The following ASCC3 variants were observed in gnomAD, a reference collection of about 807,000 sequenced individuals.
ASCC3 encodes ASC-1 complex subunit P200.
ASCC3 carries 158 observed loss-of-function variants against 256.3 expected under a neutral mutation model. The ratio of observed to expected loss-of-function variants is 0.62; its 90% CI spans 0.54 to 0.70. ASCC3 has a LOEUF of 0.70. Among genes scored for constraint, ASCC3 ranks in the 30% least tolerant of loss-of-function variants. The pLI is 0.00. For synonymous variants in ASCC3, 948 were observed against 883.4 expected, an observed-to-expected ratio of 1.07 and a Z score of -1.30; for missense variants, 2,259 against 2,626.0, an observed-to-expected ratio of 0.86 and a Z score of 3.05.
Position 100,798,803 on chromosome 6 carries a change from G to C in ASCC3, c.1305C>G (p.Asn435Lys). Residue 435 changes from asparagine to lysine, a missense_variant, in exon 8 of 42, where the codon AAC becomes AAG. Coordinates refer to ENST00000369162, the MANE Select transcript of ASCC3 (RefSeq NM_006828.4). ...ILPEGIQREN[N>K]KLYEEVRIPY... Reference sequence around the variant, plus strand: ...GAATCCTTACTTCTTCATAAAGCTTGTTATTCTCTCTTTGGATTCCTTCTG... The same window carrying C: ...GAATCCTTACTTCTTCATAAAGCTTCTTATTCTCTCTTTGGATTCCTTCTG... 1.9e-6 allele frequency: 3 copies of C among 1,612,726 alleles called. No individual in the cohort carries two copies. The South Asian group carries it at 3.3e-5, about 18-fold the overall frequency.
At chr6:100,650,510 G>A in intron 20 of ASCC3, 28 bp downstream of exon 20, 2 of 1,609,204 alleles carry the variant, frequency 1.2e-6, no homozygotes, top group Non-Finnish European at 1.7e-6. Context: ...TCAAGGAAGA[G>A]AAAACTGGAA....
intron 13 of ASCC3, among the ~76,000 whole-genome samples, chr6:100,684,799 ACT>A (rs1777479037): frequency 2.1e-5 from 3 of 143,836 alleles, no homozygotes; most frequent in African/African-American, 7.7e-5. Context: ...CTTGAATCAA[ACT>A]CTTTTTTTTT....
At chr6:100,730,651 C>T (rs1191849871) in intron 10 of ASCC3, among the ~76,000 whole-genome samples, 1 of 152,182 alleles carries the variant, frequency 6.6e-6, no homozygotes, top group Non-Finnish European at 1.5e-5. Flanking sequence ...TAAAATGTCA[C>T]ATGGTTTACA....
At chr6:100,636,648 A>T (rs1046944266) in intron 25 of ASCC3, among the ~76,000 whole-genome samples, 1 of 152,192 alleles carries the variant, frequency 6.6e-6, no homozygotes, top group African/African-American at 2.4e-5. Flanking sequence ...AATACCAAGG[A>T]GTTAGCCAAG....
chr6:100,798,120 C>T (rs1028505666), intron 8 of ASCC3, among the ~76,000 whole-genome samples: 2 of 151,962 alleles, frequency 1.3e-5, no homozygotes, highest in African/African-American at 4.8e-5. Context: ...AAAACCACAG[C>T]AACTTAATTT....
chr6:100,652,029 G>GT (rs1271330427), intron 18 of ASCC3, among the ~76,000 whole-genome samples: 19 of 151,988 alleles, frequency 1.3e-4, no homozygotes, highest in African/African-American at 4.3e-4. Context: ...AAAATTCAGA[G>GT]ATGTATATCT....
intron 10 of ASCC3, among the ~76,000 whole-genome samples, chr6:100,746,504 T>G (rs1016362034): frequency 2.6e-5 from 4 of 152,220 alleles, no homozygotes; most frequent in Non-Finnish European, 5.9e-5. Flanking sequence ...TTCTAAAACT[T>G]CAGATTCCTT....
intron 8 of ASCC3, among the ~76,000 whole-genome samples, chr6:100,791,806 G>A (rs1769361460): frequency 6.6e-6 from 1 of 151,854 alleles, no homozygotes; most frequent in African/African-American, 2.4e-5. Context: ...TGTTTCCCTT[G>A]AATCCTGGAA....
At chr6:100,587,954 C>G (rs916841249) in intron 36 of ASCC3, among the ~76,000 whole-genome samples, 3 of 152,112 alleles carry the variant, frequency 2.0e-5, no homozygotes, top group Non-Finnish European at 4.4e-5. Flanking sequence ...ATGATTTTCA[C>G]AAACTTCCTT....
intron 13 of ASCC3, among the ~76,000 whole-genome samples, chr6:100,689,006 C>G (rs1777713438): frequency 6.6e-6 from 1 of 152,164 alleles, no homozygotes; most frequent in Admixed American, 6.5e-5. Context: ...TCTCTGAACT[C>G]TTCCTGTTGT....
At chr6:100,608,041 C>A (rs145693138) in intron 30 of ASCC3, among the ~76,000 whole-genome samples, 1,817 of 106,986 alleles carry the variant, frequency 0.017, 39 homozygotes, top group African/African-American at 0.064. Context: ...TTTATATATA[C>A]ATACATATAC....
intron 8 of ASCC3, among the ~76,000 whole-genome samples, chr6:100,774,335 A>G (rs1782079247): frequency 6.6e-6 from 1 of 151,554 alleles, no homozygotes; most frequent in African/African-American, 2.4e-5. Flanking sequence ...TGACACGTAC[A>G]TGTCATGACA....
In ASCC3 at chr6:100,799,443, A is replaced by C. The variant is rs778387962; in HGVS notation, c.1257T>G (p.Ile419Met). The C allele has an allele frequency of 6.2e-7, 1 of 1,612,678 alleles. No homozygotes were observed. The highest frequency in any genetic ancestry group is 1.1e-5 in the South Asian group (1 of 91,076). Residue 419 changes from isoleucine (I) to methionine (M), a missense_variant, in exon 7 of 42, where the codon ATT becomes ATG. Physicochemically the swap from Ile to Met is conservative, Grantham distance 10. Around this residue, in one of 2 missense-constraint regions of ASCC3, gnomAD observed 1,839 missense variants for 2,206.7 expected, o/e 0.83. Transcript: ENST00000369162. ...QAEAMKTSAF[I>M]AGAKMILPEG... Reference sequence around the variant, plus strand: ...AACAATGACATACCTTTGCACCAGCAATAAATGCTGATGTTTTCATGGCTT... The same window carrying C: ...AACAATGACATACCTTTGCACCAGCCATAAATGCTGATGTTTTCATGGCTT...
At position 100,806,004 on chromosome 6, in the gene ASCC3, A is replaced by G. The variant is rs540409509; in HGVS notation, c.802-124T>C. On this transcript the variant is annotated intron_variant, in intron 4 of 41. Coordinates refer to ENST00000369162, the MANE Select transcript of ASCC3 (RefSeq NM_006828.4). Reference sequence around the variant, plus strand: ...AATATAGAAATACTCAAAAAATTTAATAAAAATGGTACCTTAAACTAAGAA... The same window carrying G: ...AATATAGAAATACTCAAAAAATTTAGTAAAAATGGTACCTTAAACTAAGAA... 14 of 902,920 alleles carry G rather than the reference A, an allele frequency of 1.6e-5. No individual in the cohort carries two copies. The African/African-American group carries it at 2.2e-4, about 14-fold the overall frequency. The allele number at this position is 902,920 out of a possible 1,614,324, so 55.9% of individuals were successfully genotyped here.
At chr6:100,528,770 T>C (rs1213452787) in intron 37 of ASCC3, among the ~76,000 whole-genome samples, 1 of 152,186 alleles carries the variant, frequency 6.6e-6, no homozygotes, top group Non-Finnish European at 1.5e-5. Flanking sequence ...AAGGTCTTCC[T>C]TTCAGGCACA....
At chr6:100,823,166 C>T (rs1297498273) in intron 4 of ASCC3, among the ~76,000 whole-genome samples, 5 of 152,168 alleles carry the variant, frequency 3.3e-5, no homozygotes, top group Non-Finnish European at 5.9e-5. Flanking sequence ...CAAAATTATG[C>T]TTCCCATAAC....
intron 36 of ASCC3, among the ~76,000 whole-genome samples, chr6:100,570,947 A>G (rs1185015770): frequency 6.6e-6 from 1 of 152,134 alleles, no homozygotes; most frequent in Non-Finnish European, 1.5e-5. Flanking sequence ...TATCCAAGCC[A>G]CCATCTTCTC....
At chr6:100,575,001 G>A (rs1039078021) in intron 36 of ASCC3, among the ~76,000 whole-genome samples, 1 of 152,000 alleles carries the variant, frequency 6.6e-6, no homozygotes, top group African/African-American at 2.4e-5. Context: ...AAGATGCCAG[G>A]CAGCTCCCCA....
chr6:100,622,911 A>G (rs1774031997), intron 30 of ASCC3, among the ~76,000 whole-genome samples: 1 of 152,074 alleles, frequency 6.6e-6, no homozygotes, highest in African/African-American at 2.4e-5. Context: ...CAACAAAAAG[A>G]AACACAGTGG....
Sources: gnomAD v4.1 joint callset for allele counts (sites outside exome capture counted in the v4.1 genomes callset) on GRCh38, gnomAD v4.1.1 for gene constraint, gnomAD v4.1.1 regional missense constraint, MANE v1.5 for transcripts, NCBI Gene and HGNC (gene_info 2026-07-23, HGNC 2026-07-21) for gene names.